HIVEP3: variants seen among roughly 807,000 people sequenced by gnomAD.
The protein encoded by HIVEP3 is transcription factor HIVEP3.
HIVEP3 carries 49 observed loss-of-function variants against 152.8 expected under a neutral mutation model. That is an observed-to-expected ratio of 0.32 (90% CI 0.26 to 0.41). HIVEP3 has a LOEUF of 0.41. HIVEP3 is among the 10% of genes least tolerant of loss of function. The pLI is 1.00. For missense variants in HIVEP3, 2,790 were observed against 3,103.3 expected, an observed-to-expected ratio of 0.90 and a Z score of 2.40; for synonymous variants, 1,269 against 1,289.0, an observed-to-expected ratio of 0.98 and a Z score of 0.33.
At chr1:41,977,180 G>C (rs1645264488) in intron 1 of HIVEP3, among the ~76,000 whole-genome samples, 2 of 152,206 alleles carry the variant, frequency 1.3e-5, no homozygotes. Context: ...AAGGTGGAGA[G>C]AGGGAGAGAA....
chr1:41,686,399 C>G (rs746444403), intron 2 of HIVEP3, among the ~76,000 whole-genome samples: 11 of 152,158 alleles, frequency 7.2e-5, no homozygotes, highest in Non-Finnish European at 1.5e-4. Flanking sequence ...AAAGTCACCA[C>G]TTAAGTAATC....
At chr1:41,915,859 C>T (rs1644862756) in intron 1 of HIVEP3, among the ~76,000 whole-genome samples, 1 of 152,194 alleles carries the variant, frequency 6.6e-6, no homozygotes, top group South Asian at 2.1e-4. Flanking sequence ...GTTGATACAG[C>T]CAGTGTTTTC....
At chr1:41,907,309 A>T (rs1644729453) in intron 1 of HIVEP3, among the ~76,000 whole-genome samples, 1 of 152,156 alleles carries the variant, frequency 6.6e-6, no homozygotes, top group South Asian at 2.1e-4. Context: ...ACAGTAAAAG[A>T]GAAAAGGAGG....
At chr1:41,792,825 C>T (rs1427501706) in intron 1 of HIVEP3, among the ~76,000 whole-genome samples, 2 of 152,222 alleles carry the variant, frequency 1.3e-5, no homozygotes, top group African/African-American at 4.8e-5. Flanking sequence ...AGGAGAACTT[C>T]CAGAACCATA....
At chr1:41,737,102 C>G (rs1646929875) in intron 1 of HIVEP3, among the ~76,000 whole-genome samples, 1 of 152,174 alleles carries the variant, frequency 6.6e-6, no homozygotes, top group Admixed American at 6.5e-5. Flanking sequence ...CCCCGCTCAC[C>G]AGTGGGAGTG....
intron 5 of HIVEP3, among the ~76,000 whole-genome samples, chr1:41,573,213 C>T (rs1644276797): frequency 6.6e-6 from 1 of 152,092 alleles, no homozygotes; most frequent in Admixed American, 6.5e-5. Context: ...AGGAGTGTGC[C>T]CAGTGATTCT....
chr1:42,028,709 G>T (rs912505431), intron 1 of HIVEP3, among the ~76,000 whole-genome samples: 1 of 152,128 alleles, frequency 6.6e-6, no homozygotes, highest in African/African-American at 2.4e-5. Flanking sequence ...TAAATGCTGG[G>T]GATCTTTAAT....
intron 1 of HIVEP3, among the ~76,000 whole-genome samples, chr1:42,031,965 A>G (rs1409150575): frequency 6.6e-6 from 1 of 152,188 alleles, no homozygotes; most frequent in Non-Finnish European, 1.5e-5. Context: ...ATTGTGCTCC[A>G]AGCCCTCTTT....
At chr1:41,895,542 A>T (rs1455655480) in intron 1 of HIVEP3, among the ~76,000 whole-genome samples, 2 of 152,212 alleles carry the variant, frequency 1.3e-5, no homozygotes, top group Non-Finnish European at 2.9e-5. Flanking sequence ...GCCAATCAGA[A>T]GTACTGACCA....
chr1:41,527,777 C>A (rs1205994499), intron 5 of HIVEP3, among the ~76,000 whole-genome samples: 2 of 147,760 alleles, frequency 1.4e-5, no homozygotes, highest in East Asian at 4.0e-4. Flanking sequence ...CACACTCCTG[C>A]ACTCACACTC....
chr1:41,810,464 G>C (rs1173337386), intron 1 of HIVEP3, among the ~76,000 whole-genome samples: 1 of 152,124 alleles, frequency 6.6e-6, no homozygotes, highest in South Asian at 2.1e-4. Context: ...TCCATCTTAG[G>C]TCCCTTGCCC....
intron 1 of HIVEP3, among the ~76,000 whole-genome samples, chr1:41,984,626 C>T (rs1032000837): frequency 6.6e-6 from 1 of 152,180 alleles, no homozygotes; most frequent in African/African-American, 2.4e-5. Context: ...AAAACACAAC[C>T]CCCATGGAGG....
At chr1:41,988,795 G>C (rs1645339647) in intron 1 of HIVEP3, among the ~76,000 whole-genome samples, 1 of 152,164 alleles carries the variant, frequency 6.6e-6, no homozygotes, top group Admixed American at 6.5e-5. Context: ...ATTTATAATA[G>C]CCAAGATATG....
chr1:41,849,806 T>A (rs773400830), intron 1 of HIVEP3, among the ~76,000 whole-genome samples: 1 of 151,664 alleles, frequency 6.6e-6, no homozygotes, highest in Non-Finnish European at 1.5e-5. Flanking sequence ...TTCTCCTGCC[T>A]CACCCTCCCG....
chr1:41,756,331 T>G (rs1647304866), intron 1 of HIVEP3, among the ~76,000 whole-genome samples: 1 of 152,170 alleles, frequency 6.6e-6, no homozygotes, highest in South Asian at 2.1e-4. Context: ...ATCTTTCAGG[T>G]GATGGAATAG....
chr1:41,699,563 T>A (rs1468692261), intron 2 of HIVEP3, among the ~76,000 whole-genome samples: 2 of 151,510 alleles, frequency 1.3e-5, no homozygotes, highest in Admixed American at 6.6e-5. Context: ...CCTTCAGGGG[T>A]AGGAAAGGAG....
chr1:41,823,057 C>A (rs946358771), intron 1 of HIVEP3, among the ~76,000 whole-genome samples: 6 of 152,082 alleles, frequency 3.9e-5, no homozygotes, highest in African/African-American at 1.4e-4. Context: ...AAGGGTGGGG[C>A]CCTAATCTGA....
intron 1 of HIVEP3, among the ~76,000 whole-genome samples, chr1:41,866,767 C>G (rs889520546): frequency 1.7e-4 from 26 of 152,198 alleles, no homozygotes; most frequent in African/African-American, 5.6e-4. Context: ...TTTCCTCAAG[C>G]AAATCACCCC....
At chr1:41,998,022 T>G (rs1047750163) in intron 1 of HIVEP3, among the ~76,000 whole-genome samples, 2 of 152,218 alleles carry the variant, frequency 1.3e-5, no homozygotes, top group African/African-American at 4.8e-5. Flanking sequence ...TTTAGTAAAT[T>G]GTCAAACTTA....
Sources: gnomAD v4.1 joint callset for allele counts (sites outside exome capture counted in the v4.1 genomes callset) on GRCh38, gnomAD v4.1.1 for gene constraint, MANE v1.5 for transcripts, NCBI Gene and HGNC (gene_info 2026-07-23, HGNC 2026-07-21) for gene names.